The following SEC14L1 variants were observed in gnomAD, a reference collection of about 807,000 sequenced individuals.
SEC14L1 encodes the protein SEC14-like protein 1.
A neutral mutation model predicts 85.3 loss-of-function variants in SEC14L1; 48 were observed. That is an observed-to-expected ratio of 0.56 (90% confidence interval 0.45 to 0.72). The LOEUF (loss-of-function observed/expected upper bound fraction) is 0.72, where lower values mean the gene tolerates loss of function less well. Ranked by LOEUF, SEC14L1 falls within the 30% of genes least tolerant of loss-of-function variation. SEC14L1 has a pLI of 0.00. For synonymous variants in SEC14L1, 391 were observed against 355.5 expected, an observed-to-expected ratio of 1.10 and a Z score of -1.12; for missense variants, 682 against 921.4, an observed-to-expected ratio of 0.74 and a Z score of 3.36.
At chr17:77,117,040 T>G (rs1282019876) in intron 3 of SEC14L1, among the ~76,000 whole-genome samples, 1 of 152,240 alleles carries the variant, frequency 6.6e-6, no homozygotes, top group African/African-American at 2.4e-5. Flanking sequence ...CGTCTTTATC[T>G]ATTCCCTGCA....
chr17:77,110,086 C>T (rs990261750), intron 3 of SEC14L1, among the ~76,000 whole-genome samples: 2 of 152,192 alleles, frequency 1.3e-5, no homozygotes, highest in African/African-American at 4.8e-5. Context: ...AGAATAGAGG[C>T]ATGGAGTTGT....
chr17:77,215,599 A>G lies in SEC14L1; in HGVS notation c.*1576A>G. 1 of 988,024 alleles carries G rather than the reference A, an allele frequency of 1.0e-6. No homozygotes were observed. The highest frequency in any genetic ancestry group is 1.2e-6 in the Non-Finnish European group (1 of 831,044). 61.2% of individuals were successfully genotyped at this position (988,024 alleles called of 1,614,324 possible). A position where few individuals can be genotyped will look rare whatever the true frequency, so the allele number is the denominator to read the frequency against. ...GGTCAGCCCTAGTGGCTGCCTGCAC[A>G]CTGTAGACGTCCCAGGGCCTGTGCT... On this transcript the variant is annotated 3_prime_UTR_variant, in exon 17 of 17. Coordinates refer to ENST00000436233, the MANE Select transcript of SEC14L1 (RefSeq NM_001143998.2).
Position 77,089,710 on chromosome 17 carries a change from A to G in SEC14L1, c.-240+439A>G, listed in dbSNP as rs534525117. The G allele has an allele frequency of 9.2e-4, 301 of 327,368 alleles. 2 individuals carry two copies. Among genetic ancestry groups the G allele is most frequent in the South Asian group, 3.9e-3 (157 of 40,490 alleles). 20.3% of individuals were successfully genotyped at this position (327,368 alleles called of 1,614,324 possible). On this transcript the variant is annotated intron_variant, in intron 2 of 19. Coordinates refer to the SEC14L1 transcript ENST00000392476. Reference sequence around the variant, plus strand: ...CCAGTTAGGGAGACAAGGTTAAATGATCACACTTAAGAGGGCATAATTCAG... The same window carrying G: ...CCAGTTAGGGAGACAAGGTTAAATGGTCACACTTAAGAGGGCATAATTCAG...
At chr17:77,134,873 C>T (rs145445329) in intron 3 of SEC14L1, among the ~76,000 whole-genome samples, 2 of 152,300 alleles carry the variant, frequency 1.3e-5, no homozygotes, top group African/African-American at 4.8e-5. Flanking sequence ...GGATGACAGG[C>T]GGTAGCCACC....
Position 77,200,662 on chromosome 17 carries a change from AT to A in SEC14L1, c.999del (p.His334ThrfsTer22). 6.2e-7 allele frequency: 1 copy of A among 1,612,822 alleles called. No homozygotes were observed. Among genetic ancestry groups the A allele is most frequent in the Non-Finnish European group, 8.5e-7 (1 of 1,179,492 alleles). On this transcript the variant is annotated frameshift_variant, in exon 9 of 17. Coordinates refer to ENST00000436233, the MANE Select transcript of SEC14L1 (RefSeq NM_001143998.2). LOFTEE classifies it high-confidence loss of function. ...GATTACTACGCGGGAGGCTGGCATC[AT>A]CACGACAAAGGTACCGGATGGAGTT... ...LQDYYAGGWH[H>X]HDKDGRPLYV...
intron 3 of SEC14L1, among the ~76,000 whole-genome samples, chr17:77,131,330 C>T (rs192408546): frequency 5.9e-5 from 9 of 152,268 alleles, no homozygotes; most frequent in Middle Eastern, 3.4e-3. Flanking sequence ...AGTGCAATGG[C>T]GCGGTCTTGG....
rs6501938 is a variant in SEC14L1 at position 77,097,708 on chromosome 17, C to T, written c.-136+4361C>T. On this transcript the variant is annotated intron_variant, in intron 3 of 19. Transcript: ENST00000392476. Reference sequence around the variant, plus strand: ...CTGTACGTTCTCTGGCTTATTAGCCCGGTGAACAGCTTTCTGATGGTTTTA... The same window carrying T: ...CTGTACGTTCTCTGGCTTATTAGCCTGGTGAACAGCTTTCTGATGGTTTTA... 3.5e-3 allele frequency among the ~76,000 whole-genome samples: 535 copies of T among 152,128 alleles called. 2 individuals are homozygous for T. Among genetic ancestry groups the T allele is most frequent in the African/African-American group, 0.012 (507 of 41,504 alleles).
chr17:77,216,815 T>G lies in SEC14L1; in HGVS notation c.*2792T>G. The G allele has an allele frequency of 1.7e-6, 1 of 583,748 alleles. No homozygotes were observed. The highest frequency in any genetic ancestry group is 2.9e-6 in the Non-Finnish European group (1 of 346,840). 36.2% of individuals were successfully genotyped at this position (583,748 alleles called of 1,614,324 possible). On this transcript the variant is annotated 3_prime_UTR_variant, in exon 17 of 17. Coordinates refer to ENST00000436233, the MANE Select transcript of SEC14L1 (RefSeq NM_001143998.2). Reference sequence around the variant, plus strand: ...AATCTCACTCCCCTTGTAAGGGAATTCTGGGGCAGCTATGGTTTGAGTATG... The same window carrying G: ...AATCTCACTCCCCTTGTAAGGGAATGCTGGGGCAGCTATGGTTTGAGTATG...
At chr17:77,111,701 C>G (rs1351948349) in intron 3 of SEC14L1, among the ~76,000 whole-genome samples, 1 of 152,154 alleles carries the variant, frequency 6.6e-6, no homozygotes, top group Non-Finnish European at 1.5e-5. Context: ...CCAATTTCTT[C>G]CGTGTAGAGT....
At chr17:77,140,848 G>GCCCGCT (rs1972969904), upstream of SEC14L1, 2 of 147,746 alleles carry the variant, frequency 1.4e-5, no homozygotes, top group African/African-American at 5.1e-5. Context: ...AGCAACCATC[G>GCCCGCT]CCCGCTCCCG....
At chr17:77,148,834 G>A (rs545632180) in intron 3 of SEC14L1, among the ~76,000 whole-genome samples, 4 of 152,290 alleles carry the variant, frequency 2.6e-5, no homozygotes, top group African/African-American at 4.8e-5. Flanking sequence ...ATCCGTCCTC[G>A]CACGTCTCAG....
At chr17:77,101,880 C>T (rs1971787000) in intron 3 of SEC14L1, among the ~76,000 whole-genome samples, 1 of 152,210 alleles carries the variant, frequency 6.6e-6, no homozygotes, top group South Asian at 2.1e-4. Context: ...ACGTTCCCAA[C>T]AGTCCCGTTG....
intron 3 of SEC14L1, among the ~76,000 whole-genome samples, chr17:77,186,314 G>C (rs372338086): frequency 1.8e-4 from 28 of 152,194 alleles, no homozygotes; most frequent in African/African-American, 6.8e-4. Context: ...CCTTGCAGTC[G>C]CACTCCTGAG....
At chr17:77,103,275 G>A (rs1366565898) in intron 3 of SEC14L1, among the ~76,000 whole-genome samples, 2 of 151,640 alleles carry the variant, frequency 1.3e-5, no homozygotes, top group Non-Finnish European at 2.9e-5. Flanking sequence ...ACCATGCCTG[G>A]CTAATTTTTG....
At chr17:77,102,393 C>T (rs2143321341) in intron 3 of SEC14L1, among the ~76,000 whole-genome samples, 1 of 152,300 alleles carries the variant, frequency 6.6e-6, no homozygotes, top group East Asian at 1.9e-4. Context: ...TGGCAGGAGA[C>T]TCATTTAACC....
chr17:77,089,405 A>G (rs910052355), intron 2 of SEC14L1: 3 of 519,010 alleles, frequency 5.8e-6, no homozygotes, highest in Non-Finnish European at 1.2e-5. Context: ...AATTCCCGGA[A>G]GAAGTCTTTC....
At chr17:77,181,220 GTTC>G (rs1232531021) in intron 3 of SEC14L1, 1 of 152,404 alleles carries the variant, frequency 6.6e-6, no homozygotes, top group East Asian at 1.9e-4. Context: ...TGCCAGGAAT[GTTC>G]TTCTCTCTCT....
chr17:77,195,511 TA>T (rs1393730363), intron 7 of SEC14L1, among the ~76,000 whole-genome samples: 1 of 151,648 alleles, frequency 6.6e-6, no homozygotes, highest in Non-Finnish European at 1.5e-5. Context: ...ATTTTTGAGA[TA>T]AAAAAGTCTC....
rs377532279 is a variant in SEC14L1, at chr17:77,178,708, C to T, written c.64-12095C>T. Among the ~76,000 whole-genome samples the T allele has an allele frequency of 2.0e-3, 310 of 152,312 alleles. 1 individual carries two copies. Among genetic ancestry groups the T allele is most frequent in the Middle Eastern group, 6.8e-3 (2 of 294 alleles). The stretch of plus-strand genomic sequence containing the variant: ...GTGCAGCCTCAATCCCTTGTGTGTG[C>T]AGTTCACAATAGGGCTCTCACTCCT... On this transcript the variant is annotated intron_variant, in intron 3 of 16. Transcript: ENST00000436233.
Sources: allele counts gnomAD v4.1 joint callset (sites outside exome capture counted in the v4.1 genomes callset), GRCh38; gene constraint gnomAD v4.1.1; transcripts MANE v1.5; gene names NCBI Gene and HGNC (gene_info 2026-07-23, HGNC 2026-07-21).